EPS8L2: variants seen among roughly 807,000 people sequenced by gnomAD.
EPS8L2 encodes epidermal growth factor receptor kinase substrate 8-like protein 2.
Under a neutral mutation model 99.4 loss-of-function variants are expected in EPS8L2, and 81 were observed. The observed-to-expected ratio is 0.82, with a 90% confidence interval of 0.68 to 0.98. EPS8L2 has a LOEUF of 0.98. Among genes scored for constraint, EPS8L2 ranks in the 50% least tolerant of loss-of-function variants. EPS8L2 has a pLI of 0.00. For synonymous variants in EPS8L2, 509 were observed against 407.3 expected, an observed-to-expected ratio of 1.25 and a Z score of -3.01; for missense variants, 1,155 against 968.8, an observed-to-expected ratio of 1.19 and a Z score of -2.55.
Position 710,441 on chromosome 11 carries a change from C to G in EPS8L2, c.120C>G (p.Ser40=). The part of the protein sequence containing the change: ...KDLFEQRKKY[S]NSNVIMHETS... ...GTTCAGAGCAGAGGAAGAAGTATTC[C>G]AACTCCAACGTCATCATGCACGAGA... The change falls in exon 4 of 21, where the codon TCC becomes TCG. Residue 40 remains serine, a synonymous_variant. Transcript: ENST00000318562. 6.2e-7 allele frequency: 1 copy of G among 1,613,698 alleles called. No homozygotes were observed. Among genetic ancestry groups the G allele is most frequent in the Non-Finnish European group, 8.5e-7 (1 of 1,179,964 alleles).
intron 14 of EPS8L2, 123 bp downstream of exon 14, chr11:722,928 C>G (rs1862227491): frequency 3.5e-6 from 2 of 564,452 alleles, no homozygotes; most frequent in Non-Finnish European, 6.1e-6. Flanking sequence ...ACACCCACCC[C>G]TCCCCAGTGC....
intron 4 of EPS8L2, among the ~76,000 whole-genome samples, chr11:715,362 T>A (rs1590049789): frequency 6.6e-6 from 1 of 152,178 alleles, no homozygotes; most frequent in Admixed American, 6.5e-5. Flanking sequence ...CGGTTATTAA[T>A]CCCCTCTCCT....
chr11:710,623 G>A, intron 4 of EPS8L2, 137 bp downstream of exon 4: 1 of 861,680 alleles, frequency 1.2e-6, no homozygotes, highest in Non-Finnish European at 1.9e-6. Context: ...CTGCTACTGG[G>A]GAGGCTGAGG....
chr11:726,863 G>A, intron 20 of EPS8L2, 38 bp from the exon 21 acceptor site: 2 of 1,602,566 alleles, frequency 1.2e-6, no homozygotes, highest in South Asian at 1.1e-5. Flanking sequence ...AGACACGTGG[G>A]ACCCCCGGCT....
At chr11:717,648 G>A (rs1862054591) in intron 4 of EPS8L2, among the ~76,000 whole-genome samples, 1 of 152,164 alleles carries the variant, frequency 6.6e-6, no homozygotes, top group Non-Finnish European at 1.5e-5. Context: ...GGAGGCACAG[G>A]CAGGAGGATC....
chr11:718,744 C>T (rs1254703414), intron 4 of EPS8L2, among the ~76,000 whole-genome samples: 1 of 151,280 alleles, frequency 6.6e-6, no homozygotes, highest in East Asian at 1.9e-4. Context: ...TCTTGATTCA[C>T]TGCAAGCTCC....
intron 4 of EPS8L2, among the ~76,000 whole-genome samples, 166 bp from the exon 5 acceptor site, chr11:719,896 A>G (rs1174639910): frequency 6.6e-6 from 1 of 152,126 alleles, no homozygotes; most frequent in Admixed American, 6.5e-5. Context: ...GATGCCTGCC[A>G]AGGCAGAATA....
In EPS8L2 at chr11:722,396, C is replaced by G. The variant is rs1862203942; in HGVS notation, c.1060-5C>G. The G allele has an allele frequency of 6.2e-7, 1 of 1,612,370 alleles. No homozygotes were observed. Among genetic ancestry groups the G allele is most frequent in the African/African-American group, 1.3e-5 (1 of 74,886 alleles). Reference sequence around the variant, plus strand: ...CAGTCCCCTCTGAACCTCACTGTGCCCCAGATCGTCAACACCTGCAGTGGC... The same window carrying G: ...CAGTCCCCTCTGAACCTCACTGTGCGCCAGATCGTCAACACCTGCAGTGGC... On this transcript the variant is annotated splice_region_variant and splice_polypyrimidine_tract_variant and intron_variant, in intron 12 of 20. Coordinates refer to ENST00000318562, the MANE Select transcript of EPS8L2 (RefSeq NM_022772.4).
intron 3 of EPS8L2, 175 bp downstream of exon 3, chr11:709,783 A>G (rs1415473838): frequency 1.5e-6 from 1 of 663,306 alleles, no homozygotes; most frequent in East Asian, 2.7e-5. Flanking sequence ...TGGCCACTGG[A>G]TCCCCTCCCC....
At chr11:717,478 C>A (rs973522968) in intron 4 of EPS8L2, among the ~76,000 whole-genome samples, 5 of 152,208 alleles carry the variant, frequency 3.3e-5, no homozygotes, top group African/African-American at 9.6e-5. Context: ...TGGCCTCTCC[C>A]CAGAGAGGCT....
chr11:714,899 T>C (rs985501506), intron 4 of EPS8L2, among the ~76,000 whole-genome samples: 3 of 152,024 alleles, frequency 2.0e-5, no homozygotes, highest in Non-Finnish European at 4.4e-5. Context: ...CAGGGTTATG[T>C]TGGTTTTATA....
intron 4 of EPS8L2, among the ~76,000 whole-genome samples, chr11:714,674 ATT>A (rs1040946412): frequency 3.3e-4 from 24 of 72,876 alleles, no homozygotes; most frequent in African/African-American, 9.7e-4. Flanking sequence ...ATTTTATTTT[ATT>A]TTTTTTTGAG....
In EPS8L2 at chr11:724,812, A is replaced by G; in HGVS notation, c.1543A>G (p.Lys515Glu). Residue 515 changes from lysine (K) to glutamate (E), a missense_variant, in exon 16 of 21, where the codon AAG becomes GAG. Physicochemically the swap from Lys to Glu is moderately conservative, Grantham distance 56. Transcript: ENST00000318562. The surrounding 1 kb of genome is among the most constrained non-coding windows in gnomAD (Gnocchi z 5.5). ...AAATGCCAACGAGCTATCGGTGCTC[A>G]AGGATGAGGTCCTAGAGGTGAGGGG... is the stretch of plus-strand genomic sequence containing the variant. ...ARNANELSVL[K>E]DEVLEVLEDG... The G allele has an allele frequency of 6.2e-7, 1 of 1,612,752 alleles. No homozygotes were observed. The highest frequency in any genetic ancestry group is 1.3e-5 in the African/African-American group (1 of 75,046).
chr11:720,528 G>T, intron 5 of EPS8L2, 69 bp from the exon 6 acceptor site: 1 of 1,551,324 alleles, frequency 6.4e-7, no homozygotes, highest in Non-Finnish European at 8.7e-7. Context: ...CTTGTCCACA[G>T]CTCCGGCCAC....
intron 15 of EPS8L2, among the ~76,000 whole-genome samples, chr11:723,937 C>A (rs191729983): frequency 6.6e-6 from 1 of 152,188 alleles, no homozygotes; most frequent in Non-Finnish European, 1.5e-5. Flanking sequence ...AAAGAGGGGC[C>A]AGCAATCCAT....
In EPS8L2 at chr11:720,683, CGT is replaced by C; in HGVS notation, c.418_419del (p.Cys140ProfsTer17). The C allele has an allele frequency of 6.3e-7, 1 of 1,592,552 alleles. No homozygotes were observed. The highest frequency in any genetic ancestry group is 8.5e-7 in the Non-Finnish European group (1 of 1,170,624). On this transcript the variant is annotated frameshift_variant, in exon 6 of 21. Coordinates refer to ENST00000318562, the MANE Select transcript of EPS8L2 (RefSeq NM_022772.4). LOFTEE classifies it high-confidence loss of function. ...QLRYPSVLLL[V>X]CQDSEQSKPD... ...TGCGCTACCCGTCTGTGCTGCTGCT[CGT>C]GTGCCAGGACTCGGAGCAGAGCAAG...
At chr11:715,618 GTTTTTT>G (rs929222502) in intron 4 of EPS8L2, among the ~76,000 whole-genome samples, 3 of 120,038 alleles carry the variant, frequency 2.5e-5, no homozygotes, top group Non-Finnish European at 3.4e-5. Flanking sequence ...TTTTTCTTTT[GTTTTTT>G]TTTTTTTTTT....
intron 4 of EPS8L2, among the ~76,000 whole-genome samples, chr11:717,423 A>T (rs1436555614): frequency 6.6e-6 from 1 of 152,236 alleles, no homozygotes; most frequent in Non-Finnish European, 1.5e-5. Context: ...GATTACCTGT[A>T]GTAGAATTGG....
At chr11:722,639 G>C in intron 13 of EPS8L2, 34 bp from the exon 14 acceptor site, 1 of 1,608,354 alleles carries the variant, frequency 6.2e-7, no homozygotes, top group South Asian at 1.1e-5. Flanking sequence ...CAGTTCTGGA[G>C]AGGCAGGGCT....
Sources: allele counts gnomAD v4.1 joint callset (sites outside exome capture counted in the v4.1 genomes callset), GRCh38; gene constraint gnomAD v4.1.1; non-coding constraint Gnocchi (gnomAD v3.1); transcripts MANE v1.5; gene names NCBI Gene and HGNC (gene_info 2026-07-23, HGNC 2026-07-21).